The following DNMT1 variants were observed in gnomAD, a reference collection of about 807,000 sequenced individuals.
DNMT1 encodes DNA (cytosine-5)-methyltransferase 1.
DNMT1 carries 24 observed loss-of-function variants against 205.3 expected under a neutral mutation model. The observed-to-expected ratio is 0.12, with a 90% CI of 0.08 to 0.16. DNMT1 has a LOEUF of 0.16. Ranked by LOEUF, DNMT1 falls within the 10% of genes least tolerant of loss-of-function variation. DNMT1 has a pLI of 1.00. For missense variants in DNMT1, 1,293 were observed against 2,177.7 expected, an observed-to-expected ratio of 0.59 and a Z score of 8.09; for synonymous variants, 817 against 839.8, an observed-to-expected ratio of 0.97 and a Z score of 0.47.
chr19:10,139,942 C>T, intron 33 of DNMT1, 104 bp downstream of exon 33: 1 of 1,592,304 alleles, frequency 6.3e-7, no homozygotes, highest in South Asian at 1.1e-5. Flanking sequence ...GAGCTGTGAG[C>T]TTCCGGGGGG....
At chr19:10,179,855 TG>T in intron 5 of DNMT1, 1 of 165,170 alleles carries the variant, frequency 6.1e-6, no homozygotes, top group East Asian at 1.7e-4. Context: ...CTGGGCATGG[TG>T]GTGCCCGCCT....
chr19:10,187,612 G>A (rs1289981558), intron 1 of DNMT1, among the ~76,000 whole-genome samples: 1 of 149,944 alleles, frequency 6.7e-6, no homozygotes. Flanking sequence ...GCACGCACCT[G>A]TACTCCTAGC....
Position 10,161,420 on chromosome 19 carries a change from G to A in DNMT1, c.1009-1002C>T, listed in dbSNP as rs77900095. 4.1e-3 allele frequency among the ~76,000 whole-genome samples: 632 copies of A among 152,326 alleles called. 7 individuals are homozygous for A. Among genetic ancestry groups the A allele is most frequent in the African/African-American group, 0.014 (598 of 41,580 alleles). On this transcript the variant is annotated intron_variant, in intron 13 of 40. Transcript: ENST00000359526. ...TTCCAGCACTTGAAGAAGCCCAGGT[G>A]GGAGGACTGCTTGAGCACAGGAGCT...
Position 10,141,227 on chromosome 19 carries a change from C to T in DNMT1, c.3310-38G>A, listed in dbSNP as rs749688211. On this transcript the variant is annotated intron_variant, in intron 30 of 40. Transcript: ENST00000359526. Reference sequence around the variant, plus strand: ...GAACTGCAATCGTTTGGGAGAGAAACGCACTGTCCCCTCTCTAACGCAGAC... The same window carrying T: ...GAACTGCAATCGTTTGGGAGAGAAATGCACTGTCCCCTCTCTAACGCAGAC... 3.6e-5 allele frequency: 58 copies of T among 1,598,282 alleles called. No individual in the cohort carries two copies. The East Asian group carries it at 7.1e-4, about 20-fold the overall frequency.
At chr19:10,147,419 T>C (rs927915250) in intron 27 of DNMT1, among the ~76,000 whole-genome samples, 39 of 152,234 alleles carry the variant, frequency 2.6e-4, no homozygotes, top group Non-Finnish European at 3.5e-4. Flanking sequence ...CAGACCAGCC[T>C]GGCCAACACG....
At position 10,138,314 on chromosome 19, in the gene DNMT1, C is replaced by T; in HGVS notation, c.4115+125G>A. 6.9e-7 allele frequency: 1 copy of T among 1,454,864 alleles called. No individual in the cohort carries two copies. The highest frequency in any genetic ancestry group is 9.4e-7 in the Non-Finnish European group (1 of 1,058,798). 90.1% of individuals were successfully genotyped at this position (1,454,864 alleles called of 1,614,324 possible). On this transcript the variant is annotated intron_variant, in intron 35 of 40. Transcript: ENST00000359526. The surrounding 1 kb of genome is among the most constrained non-coding windows in gnomAD (Gnocchi z 4.1). Reference sequence around the variant, plus strand: ...TGGCAGAGTGCCATGTGGCAGAGCACCGTGTGGCAGGGCAGATGCTGTACC... The same window carrying T: ...TGGCAGAGTGCCATGTGGCAGAGCATCGTGTGGCAGGGCAGATGCTGTACC...
rs749757235 is a variant in DNMT1 at position 10,155,097 on chromosome 19, T to C, written c.1493-41A>G. The C allele has an allele frequency of 1.9e-6, 3 of 1,612,648 alleles. No individual in the cohort carries two copies. The African/African-American group carries it at 4.0e-5, about 22-fold the overall frequency. ...GAGGTGTGGAAAAGGGGCTGGAATC[T>C]GATGGCGCCTACAGTGGCCACAGGG... is the stretch of plus-strand genomic sequence containing the variant. On this transcript the variant is annotated intron_variant, in intron 19 of 40. Transcript: ENST00000359526.
At chr19:10,194,010 T>A (rs1466949325) in intron 1 of DNMT1, among the ~76,000 whole-genome samples, 1 of 152,032 alleles carries the variant, frequency 6.6e-6, no homozygotes, top group Non-Finnish European at 1.5e-5. Flanking sequence ...AGACACACAC[T>A]AAAGAACACA....
intron 17 of DNMT1, among the ~76,000 whole-genome samples, chr19:10,157,066 A>G (rs1416457512): frequency 6.6e-6 from 1 of 152,182 alleles, no homozygotes; most frequent in Admixed American, 6.5e-5. Flanking sequence ...AGTGCGGGAA[A>G]TACCGGTTTC....
intron 26 of DNMT1, 83 bp downstream of exon 26, chr19:10,149,370 A>T: frequency 6.7e-7 from 1 of 1,494,516 alleles, no homozygotes; most frequent in Non-Finnish European, 9.2e-7. Context: ...AAAAAAAAAT[A>T]CAAATCAAAA....
In DNMT1 at chr19:10,138,674, G is replaced by A; in HGVS notation, c.3949-69C>T. On this transcript the variant is annotated intron_variant, in intron 34 of 40. Coordinates refer to ENST00000359526, the MANE Select transcript of DNMT1 (RefSeq NM_001130823.3). This position sits in a 1 kb window ranked among gnomAD's most constrained non-coding sequence, Gnocchi z 4.1. ...TCCCAACTGGACTGGCCAGACCCAG[G>A]CCCAGGGTCAGCAGCCTGAGTCGGG... 6.5e-7 allele frequency: 1 copy of A among 1,550,304 alleles called. No individual in the cohort carries two copies. The highest frequency in any genetic ancestry group is 8.7e-7 in the Non-Finnish European group (1 of 1,153,286).
chr19:10,159,916 G>T lies in DNMT1; in HGVS notation c.1096C>A (p.Pro366Thr), dbSNP rs2038531657. 4 of 1,614,194 alleles carry T rather than the reference G, an allele frequency of 2.5e-6. No homozygotes were observed. Among genetic ancestry groups the T allele is most frequent in the Non-Finnish European group, 1.7e-6 (2 of 1,180,030 alleles). ...TGCCCGCACTGAATGCACTTGGGAG[G>T]GTGGGTCTGTGGGAGCAGGAACACA... is the stretch of plus-strand genomic sequence containing the variant. ...AKTVMNSKTH[P>T]PKCIQCGQYL... The change falls in exon 16 of 41, where the codon CCT becomes ACT. Residue 366 changes from proline to threonine, a missense_variant. Pro to Thr is a conservative substitution (Grantham distance 38). Transcript: ENST00000359526. This position sits in a 1 kb window ranked among gnomAD's most constrained non-coding sequence, Gnocchi z 5.0.
chr19:10,194,554 G>A (rs1599416360), intron 1 of DNMT1: 1 of 427,286 alleles, frequency 2.3e-6, no homozygotes, highest in East Asian at 4.3e-5. Flanking sequence ...TGTATTTGGG[G>A]ATCAAAAGAG....
At position 10,156,575 on chromosome 19, in the gene DNMT1, A is replaced by C. The variant is rs940810833; in HGVS notation, c.1281-66T>G. On this transcript the variant is annotated intron_variant, in intron 17 of 40. Coordinates refer to ENST00000359526, the MANE Select transcript of DNMT1 (RefSeq NM_001130823.3). The surrounding 1 kb of genome is among the most constrained non-coding windows in gnomAD (Gnocchi z 4.2). Reference sequence around the variant, plus strand: ...GAAGGCGGGTCTTCGTGCAGACTTCAGATCAGGCACGAGGCAATGAGAGAA... The same window carrying C: ...GAAGGCGGGTCTTCGTGCAGACTTCCGATCAGGCACGAGGCAATGAGAGAA... The C allele has an allele frequency of 6.9e-6, 8 of 1,164,558 alleles. No individual in the cohort carries two copies. The Admixed American group carries it at 1.4e-4, about 20-fold the overall frequency. 72.1% of individuals were successfully genotyped at this position (1,164,558 alleles called of 1,614,324 possible). A position where few individuals can be genotyped will look rare whatever the true frequency, so the allele number is the denominator to read the frequency against.
chr19:10,149,909 C>A lies in DNMT1; in HGVS notation c.2325G>T (p.Val775=). 5.6e-6 allele frequency: 9 copies of A among 1,614,218 alleles called. No individual in the cohort carries two copies. The highest frequency in any genetic ancestry group is 5.9e-6 in the Non-Finnish European group (7 of 1,180,052). The change falls in exon 25 of 41, where the codon GTG becomes GTT. Residue 775 remains valine, a synonymous_variant. Transcript: ENST00000359526. ...CTGGAATAACAGAGACACAGTCCCCCACTTCCAGGGTTTCCGCATCAATGC... is the reference window on the plus strand; with the variant it reads ...CTGGAATAACAGAGACACAGTCCCCAACTTCCAGGGTTTCCGCATCAATGC... ...KVCIDAETLE[V]GDCVSVIPDD... is the part of the protein sequence containing the mutation.
At chr19:10,188,404 G>A (rs2039235944) in intron 1 of DNMT1, among the ~76,000 whole-genome samples, 1 of 152,096 alleles carries the variant, frequency 6.6e-6, no homozygotes, top group South Asian at 2.1e-4. Flanking sequence ...ACCGGGCTTG[G>A]TGGCTCACGC....
In DNMT1 at chr19:10,137,115, C is replaced by T. The variant is rs536916632; in HGVS notation, c.4459G>A (p.Ala1487Thr). The change falls in exon 37 of 41, where the codon GCC (alanine) becomes ACC (threonine). Residue 1487 changes from alanine (A) to threonine (T), a missense_variant. Transcript: ENST00000359526. This position sits in a 1 kb window ranked among gnomAD's most constrained non-coding sequence, Gnocchi z 6.4. Reference sequence around the variant, plus strand: ...ACGCAGGAGCAGACCCCACGGAGGGCCCCAGAGCTGCTGCGGCCGTTCTTC... The same window carrying T: ...ACGCAGGAGCAGACCCCACGGAGGGTCCCAGAGCTGCTGCGGCCGTTCTTC... ...DRKNGRSSSGALRGVCSCVEA... is the reference protein window; with the variant it reads ...DRKNGRSSSGTLRGVCSCVEA... 2 of 1,612,184 alleles carry T rather than the reference C, an allele frequency of 1.2e-6. No individual in the cohort carries two copies. The highest frequency in any genetic ancestry group is 1.1e-5 in the South Asian group (1 of 90,690).
At chr19:10,169,425 C>T (rs575080648) in intron 9 of DNMT1, among the ~76,000 whole-genome samples, 28 of 147,406 alleles carry the variant, frequency 1.9e-4, no homozygotes, top group Admixed American at 3.4e-4. Flanking sequence ...GGCGTGTTGG[C>T]GGGCGCCTGC....
chr19:10,169,535 C>T (rs1385198916), intron 9 of DNMT1, among the ~76,000 whole-genome samples: 1 of 151,342 alleles, frequency 6.6e-6, no homozygotes, highest in Non-Finnish European at 1.5e-5. Context: ...CCAGCCTGGG[C>T]GACAAGAGCG....
Sources: gnomAD v4.1 joint callset for allele counts (sites outside exome capture counted in the v4.1 genomes callset) on GRCh38, gnomAD v4.1.1 for gene constraint, Gnocchi (gnomAD v3.1) non-coding constraint, MANE v1.5 for transcripts, NCBI Gene and HGNC (gene_info 2026-07-23, HGNC 2026-07-21) for gene names.